Variants in FARP1 observed in about 807,000 individuals in gnomAD.
The protein encoded by FARP1 is FERM, ARH/RhoGEF and pleckstrin domain protein 1.
In FARP1, 52 loss-of-function variants were observed where a neutral mutation model predicts 128.8. The observed-to-expected ratio is 0.40, with a 90% CI of 0.32 to 0.51. The LOEUF is 0.51. Ranked by LOEUF, FARP1 falls within the 20% of genes least tolerant of loss-of-function variation. The pLI is 0.45. For synonymous variants in FARP1, 580 were observed against 551.8 expected (o/e 1.05, Z -0.72); for missense variants, 1,333 against 1,367.9 (o/e 0.97, Z 0.40).
At chr13:98,229,564 C>T (rs1250272432) in intron 2 of FARP1, among the ~76,000 whole-genome samples, 8 of 151,714 alleles carry the variant, frequency 5.3e-5, no homozygotes, top group African/African-American at 1.5e-4. Context: ...GCAGTGGTGC[C>T]GTCATGGCTC....
At chr13:98,284,417 C>T (rs922602179) in intron 2 of FARP1, among the ~76,000 whole-genome samples, 3 of 152,146 alleles carry the variant, frequency 2.0e-5, no homozygotes, top group Admixed American at 6.5e-5. Flanking sequence ...CCTCACCTCA[C>T]GGTACCTAGG....
At chr13:98,380,546 A>C (rs1040809618) in intron 6 of FARP1, among the ~76,000 whole-genome samples, 1 of 152,188 alleles carries the variant, frequency 6.6e-6, no homozygotes, top group Non-Finnish European at 1.5e-5. Flanking sequence ...ATGTGTACAT[A>C]TATCAAAAGA....
chr13:98,246,538 G>A (rs1434671637), intron 2 of FARP1, among the ~76,000 whole-genome samples: 1 of 152,118 alleles, frequency 6.6e-6, no homozygotes, highest in Non-Finnish European at 1.5e-5. Flanking sequence ...CTCAAAATAA[G>A]TGGTGTGTGT....
rs58531660 is a variant in FARP1, at chr13:98,219,934, G to A, written c.171+6521G>A. 1.7e-3 allele frequency among the ~76,000 whole-genome samples: 265 copies of A among 152,188 alleles called. 1 individual carries two copies. The East Asian group carries it at 0.018, about 10-fold the overall frequency. On this transcript the variant is annotated intron_variant, in intron 2 of 26. Transcript: ENST00000319562. The stretch of plus-strand genomic sequence containing the variant: ...TCCTCCTGCATTGGCCTCCTAAAGC[G>A]CTGTGATTGCAGGCATGAGCTACTG...
At chr13:98,162,519 T>C (rs1198106073) in intron 1 of FARP1, among the ~76,000 whole-genome samples, 1 of 152,222 alleles carries the variant, frequency 6.6e-6, no homozygotes, top group African/African-American at 2.4e-5. Flanking sequence ...TGGATAAACT[T>C]ACCTTGAACC....
At chr13:98,377,374 CAAAAA>C (rs34395673) in intron 5 of FARP1, among the ~76,000 whole-genome samples, 4,476 of 134,602 alleles carry the variant, frequency 0.033, 233 homozygotes, top group African/African-American at 0.11. Flanking sequence ...AGTTACACCA[CAAAAA>C]AAAAAAAAAA....
At position 98,390,070 on chromosome 13, in the gene FARP1, A is replaced by T; in HGVS notation, c.969A>T (p.Lys323Asn). 3 of 1,614,062 alleles carry T rather than the reference A, an allele frequency of 1.9e-6. No individual in the cohort carries two copies. Among genetic ancestry groups the T allele is most frequent in the Non-Finnish European group, 2.5e-6 (3 of 1,180,006 alleles). ...HAFFRLFEEP[K>N]PKPKPVLFSR... ...TCTTTAGACTTTTTGAAGAGCCCAA[A>T]CCAAAGCCCAAGCCCGTCCTCTTTA... The change falls in exon 10 of 27, where the codon AAA becomes AAT. Residue 323 changes from lysine to asparagine, a missense_variant. This residue lies in a region of FARP1 where 1,009 missense variants were observed against 969.8 expected (regional missense o/e 1.04). Transcript: ENST00000319562.
chr13:98,152,893 C>T (rs993386160), intron 1 of FARP1, among the ~76,000 whole-genome samples: 2 of 152,030 alleles, frequency 1.3e-5, no homozygotes, highest in African/African-American at 2.4e-5. Flanking sequence ...TTTAAGCTGG[C>T]CTTGCAGGGC....
At chr13:98,324,138 A>G (rs1887127048) in intron 2 of FARP1, among the ~76,000 whole-genome samples, 1 of 152,368 alleles carries the variant, frequency 6.6e-6, no homozygotes, top group East Asian at 1.9e-4. Flanking sequence ...GAAGTTATGT[A>G]TAATGGTGGC....
At chr13:98,423,085 C>A (rs1891650423) in intron 16 of FARP1, among the ~76,000 whole-genome samples, 1 of 152,182 alleles carries the variant, frequency 6.6e-6, no homozygotes, top group African/African-American at 2.4e-5. Flanking sequence ...AAGATGTAGG[C>A]TGGGCAGCTA....
intron 26 of FARP1, 24 bp from the exon 27 acceptor site, chr13:98,448,212 C>T (rs754336779): frequency 2.5e-6 from 4 of 1,604,608 alleles, no homozygotes; most frequent in East Asian, 4.5e-5. Flanking sequence ...AAAAGGTTGA[C>T]TAACTGGCGT....
intron 2 of FARP1, among the ~76,000 whole-genome samples, chr13:98,339,894 A>C (rs1437448545): frequency 1.3e-5 from 2 of 152,142 alleles, no homozygotes; most frequent in Non-Finnish European, 2.9e-5. Context: ...AGGAGTGTGC[A>C]GTGCTGGGGC....
At chr13:98,385,908 T>C in intron 8 of FARP1, 94 bp downstream of exon 8, 1 of 1,307,712 alleles carries the variant, frequency 7.6e-7, no homozygotes, top group Non-Finnish European at 1.1e-6. Context: ...GGCTAAGACC[T>C]CTGATGGTTA....
At chr13:98,246,453 C>G (rs1883072483) in intron 2 of FARP1, among the ~76,000 whole-genome samples, 1 of 151,810 alleles carries the variant, frequency 6.6e-6, no homozygotes, top group Non-Finnish European at 1.5e-5. Flanking sequence ...TCTTCTGATT[C>G]TTGTAACTTA....
intron 3 of FARP1, among the ~76,000 whole-genome samples, chr13:98,361,291 C>G (rs1888863597): frequency 6.6e-6 from 1 of 152,190 alleles, no homozygotes; most frequent in Non-Finnish European, 1.5e-5. Flanking sequence ...CGCTGCGGAG[C>G]TGCTGAACAC....
At chr13:98,282,908 A>C (rs1183387538) in intron 2 of FARP1, among the ~76,000 whole-genome samples, 2 of 152,206 alleles carry the variant, frequency 1.3e-5, no homozygotes, top group Non-Finnish European at 2.9e-5. Flanking sequence ...TCAAAAAAAA[A>C]TAAAAAAAAA....
intron 2 of FARP1, among the ~76,000 whole-genome samples, chr13:98,237,302 CT>C (rs1157249121): frequency 1.8e-4 from 26 of 147,624 alleles, no homozygotes; most frequent in African/African-American, 6.4e-4. Context: ...GAAACTCCGT[CT>C]CAAAAAAAAA....
At chr13:98,426,728 T>C (rs1891804135) in intron 17 of FARP1, among the ~76,000 whole-genome samples, 1 of 152,042 alleles carries the variant, frequency 6.6e-6, no homozygotes, top group African/African-American at 2.4e-5. Flanking sequence ...GCCGTGGAAG[T>C]GATCAGGGTT....
chr13:98,441,431 G>A (rs1194828610), intron 24 of FARP1, among the ~76,000 whole-genome samples: 1 of 152,258 alleles, frequency 6.6e-6, no homozygotes, highest in African/African-American at 2.4e-5. Context: ...CTGTTTTTAT[G>A]CTTCGCTTCC....
Sources: gnomAD v4.1 joint callset for allele counts (sites outside exome capture counted in the v4.1 genomes callset) on GRCh38, gnomAD v4.1.1 for gene constraint, gnomAD v4.1.1 regional missense constraint, MANE v1.5 for transcripts, NCBI Gene and HGNC (gene_info 2026-07-23, HGNC 2026-07-21) for gene names.